Variants in PHKA1 observed in about 807,000 individuals in gnomAD.
The protein encoded by PHKA1 is phosphorylase kinase regulatory subunit alpha 1, also known as phosphorylase b kinase regulatory subunit alpha, skeletal muscle isoform.
Under a neutral mutation model 110.2 loss-of-function variants are expected in PHKA1, and 60 were observed. That is an observed-to-expected ratio of 0.54 (90% CI 0.44 to 0.68). The LOEUF is 0.68. PHKA1 is among the 30% of genes least tolerant of loss of function. The probability of loss-of-function intolerance (pLI) is 0.00; values close to 1 mark genes in which losing one functional copy is unlikely to be tolerated. For synonymous variants in PHKA1, 316 were observed against 333.6 expected, an observed-to-expected ratio of 0.95 and a Z score of 0.58; for missense variants, 801 against 942.5, an observed-to-expected ratio of 0.85 and a Z score of 1.97.
chrX:72,617,390 C>T (rs2052913905), intron 21 of PHKA1, among the ~76,000 whole-genome samples: 1 of 110,849 alleles, frequency 9.0e-6, no homozygotes, highest in South Asian at 3.9e-4. Context: ...CATGGTGGCA[C>T]GCACCTGTGG....
At chrX:72,605,486 T>G (rs1556249504) in intron 24 of PHKA1, 55 bp downstream of exon 24, 7 of 1,175,629 alleles carry the variant, frequency 6.0e-6, no homozygotes, top group Non-Finnish European at 8.1e-6. Flanking sequence ...CTAGATCAAT[T>G]GAAAACAAAC....
At chrX:72,588,697 G>T (rs1164080108) in intron 29 of PHKA1, among the ~76,000 whole-genome samples, 1 of 110,935 alleles carries the variant, frequency 9.0e-6, no homozygotes, top group Non-Finnish European at 1.9e-5. Context: ...TAACAAAGAA[G>T]AAAAGAGAGA....
At chrX:72,589,650 A>G (rs781982916) in intron 29 of PHKA1, among the ~76,000 whole-genome samples, 1 of 109,263 alleles carries the variant, frequency 9.2e-6, no homozygotes, top group Admixed American at 1.0e-4. Context: ...CCCTGTTTGC[A>G]CATGACATGA....
At chrX:72,598,268 C>T (rs1399498826) in intron 28 of PHKA1, among the ~76,000 whole-genome samples, 1 of 111,541 alleles carries the variant, frequency 9.0e-6, no homozygotes, top group Non-Finnish European at 1.9e-5. Flanking sequence ...CACTCAGTAT[C>T]ATTAGCTATT....
At chrX:72,658,545 G>A (rs1400100237) in intron 8 of PHKA1, among the ~76,000 whole-genome samples, 1 of 107,741 alleles carries the variant, frequency 9.3e-6, no homozygotes, top group African/African-American at 3.4e-5. Context: ...CCTTTTTTCT[G>A]TTCTAGGACC....
At chrX:72,695,019 G>A (rs1556326184) in intron 4 of PHKA1, among the ~76,000 whole-genome samples, 2 of 111,334 alleles carry the variant, frequency 1.8e-5, no homozygotes, top group Non-Finnish European at 3.8e-5. Context: ...ATAAAGGAAA[G>A]GTTTATCATC....
chrX:72,677,928 G>T (rs2053798994), intron 5 of PHKA1, among the ~76,000 whole-genome samples: 1 of 110,656 alleles, frequency 9.0e-6, no homozygotes, highest in Admixed American at 9.7e-5. Context: ...TGCTTCTATA[G>T]TTCCAACTAC....
chrX:72,635,329 T>A (rs1556291027), intron 15 of PHKA1, 30 bp from the exon 16 acceptor site: 2 of 1,147,722 alleles, frequency 1.7e-6, no homozygotes, highest in Non-Finnish European at 2.4e-6. Context: ...TAGATTAGAT[T>A]AATTTACTCT....
At chrX:72,643,143 C>T (rs1454755587) in intron 14 of PHKA1, among the ~76,000 whole-genome samples, 5 of 110,784 alleles carry the variant, frequency 4.5e-5, no homozygotes, top group African/African-American at 9.8e-5. Context: ...ACTGGAGTTA[C>T]GTGCCAGAGA....
chrX:72,594,671 C>T (rs2052566361), intron 28 of PHKA1, among the ~76,000 whole-genome samples: 1 of 112,526 alleles, frequency 8.9e-6, no homozygotes, highest in South Asian at 3.7e-4. Context: ...GCTCGTGGTG[C>T]ATGGGCATAT....
chrX:72,680,697 C>A (rs1295998388), intron 5 of PHKA1, among the ~76,000 whole-genome samples: 2 of 104,750 alleles, frequency 1.9e-5, no homozygotes, highest in East Asian at 3.2e-4. Context: ...CTGACGCCCG[C>A]GGGCCCCAGC....
intron 21 of PHKA1, among the ~76,000 whole-genome samples, chrX:72,617,047 G>A (rs1228495165): frequency 9.0e-6 from 1 of 111,374 alleles, no homozygotes; most frequent in Admixed American, 9.5e-5. Context: ...ATATCAAAAA[G>A]TATAAAGGTC....
intron 14 of PHKA1, 89 bp from the exon 15 acceptor site, chrX:72,636,475 TACACA>T: frequency 1.9e-6 from 1 of 538,054 alleles, no homozygotes; most frequent in Non-Finnish European, 3.4e-6. Flanking sequence ...TACACACACA[TACACA>T]ATGTATGTAT....
At chrX:72,622,585 T>A (rs1556279196) in intron 18 of PHKA1, 2 of 751,988 alleles carry the variant, frequency 2.7e-6, no homozygotes, top group African/African-American at 4.6e-5. Flanking sequence ...AGAAGCCAAT[T>A]AGAGTTTGAC....
intron 1 of PHKA1, 29 bp from the exon 2 acceptor site, chrX:72,712,966 A>G (rs782700165): frequency 8.3e-7 from 1 of 1,199,191 alleles, no homozygotes; most frequent in East Asian, 3.0e-5. Flanking sequence ...GAGGGCAGGA[A>G]GGTAACCATA....
At chrX:72,625,277 C>A (rs895754003) in intron 17 of PHKA1, among the ~76,000 whole-genome samples, 1 of 111,415 alleles carries the variant, frequency 9.0e-6, no homozygotes, top group Non-Finnish European at 1.9e-5. Context: ...CAAGAAGGTC[C>A]TGGTGTCTAT....
At position 72,593,165 on chromosome X, in the gene PHKA1, T is replaced by A; in HGVS notation, c.3182A>T (p.Asp1061Val). 1 of 1,200,819 alleles carries A rather than the reference T, an allele frequency of 8.3e-7. No homozygotes were observed. Among genetic ancestry groups the A allele is most frequent in the Non-Finnish European group, 1.1e-6 (1 of 885,381 alleles). The change falls in exon 29 of 32, where the codon GAT becomes GTT. Residue 1061 changes from aspartate (D) to valine (V), a missense_variant. Asp to Val is a radical substitution (Grantham distance 152, BLOSUM62 -3). This residue lies in a region of PHKA1 where 502 missense variants were observed against 519.2 expected (regional missense o/e 0.97). Transcript: ENST00000373542. ...AACTGGAACTCTATTCAGTGCCCCATCCAGCCTTCTTCGGCGTTGCCATTG... is the reference window on the plus strand; with the variant it reads ...AACTGGAACTCTATTCAGTGCCCCAACCAGCCTTCTTCGGCGTTGCCATTG... ...QGQWQRRRRL[D>V]GALNRVPVGF...
chrX:72,583,466 A>G (rs1556206248), intron 30 of PHKA1, among the ~76,000 whole-genome samples: 1 of 111,953 alleles, frequency 8.9e-6, no homozygotes, highest in East Asian at 2.8e-4. Flanking sequence ...AATGGGGGAC[A>G]TGGCATTCTT....
In PHKA1 at chrX:72,668,398, G is replaced by A. The variant is rs892657704; in HGVS notation, c.619-925C>T. Among the ~76,000 whole-genome samples, 3 of 112,108 alleles carry A rather than the reference G, an allele frequency of 2.7e-5. No individual in the cohort carries two copies. In the Admixed American group the frequency reaches 2.8e-4, roughly 11 times the overall value. On this transcript the variant is annotated intron_variant, in intron 6 of 31. Coordinates refer to ENST00000373542, the MANE Select transcript of PHKA1 (RefSeq NM_002637.4). ...TGCTAAATTGCTTTTCTTGCAAGTT[G>A]TACCAACATAGCTATCACTAGCAGT...
Sources: allele counts gnomAD v4.1 joint callset (sites outside exome capture counted in the v4.1 genomes callset), GRCh38; gene constraint gnomAD v4.1.1; regional missense constraint gnomAD v4.1.1; transcripts MANE v1.5; gene names NCBI Gene and HGNC (gene_info 2026-07-23, HGNC 2026-07-21).